BTRC: variants seen among roughly 807,000 people sequenced by gnomAD.
BTRC encodes the protein beta-transducin repeat containing E3 ubiquitin protein ligase, also known as F-box/WD repeat-containing protein 1A.
A neutral mutation model predicts 85.5 loss-of-function variants in BTRC; 42 were observed. That is an observed-to-expected ratio of 0.49 (90% CI 0.38 to 0.64). BTRC has a LOEUF of 0.64. Ranked by LOEUF, BTRC falls within the 30% of genes least tolerant of loss-of-function variation. BTRC has a pLI of 0.00. For missense variants in BTRC, 594 were observed against 743.5 expected, an observed-to-expected ratio of 0.80 and a Z score of 2.34; for synonymous variants, 255 against 263.3, an observed-to-expected ratio of 0.97 and a Z score of 0.30.
At chr10:101,423,330 A>G (rs988293847) in intron 1 of BTRC, among the ~76,000 whole-genome samples, 1 of 152,210 alleles carries the variant, frequency 6.6e-6, no homozygotes, top group African/African-American at 2.4e-5. Context: ...GCTAACTAAC[A>G]AAGCTTGTTA....
intron 6 of BTRC, among the ~76,000 whole-genome samples, chr10:101,530,451 A>G (rs1395088733): frequency 1.3e-5 from 2 of 152,096 alleles, no homozygotes; most frequent in Non-Finnish European, 2.9e-5. Context: ...TGCCAGAGGC[A>G]TTGCTGCTGT....
At chr10:101,463,403 C>T (rs1210291356) in intron 3 of BTRC, among the ~76,000 whole-genome samples, 1 of 151,896 alleles carries the variant, frequency 6.6e-6, no homozygotes, top group Non-Finnish European at 1.5e-5. Context: ...TGTTCTCAGA[C>T]CCCTGACCTC....
rs57980548 is a variant in BTRC at position 101,532,789 on chromosome 10, T to TGTGTGTGTGTGC, written c.979-162_979-161insTGTGTGTGTGCG. On this transcript the variant is annotated intron_variant, in intron 8 of 14. Transcript: ENST00000370187. ...GTGTGTGTGTGTGTGTGTGTGTGTG[T>TGTGTGTGTGTGC]GCGCGTGTGCGCGCGCGCGCGCTTA... 1.1e-3 allele frequency among the ~76,000 whole-genome samples: 85 copies of TGTGTGTGTGTGC among 78,234 alleles called. 1 individual carries two copies. The highest frequency in any genetic ancestry group is 4.8e-3 in the Middle Eastern group (1 of 208). The allele number at this position is 78,234 out of a possible 152,430, so 51.3% of individuals were successfully genotyped here. A position where few individuals can be genotyped will look rare whatever the true frequency, so the allele number is the denominator to read the frequency against.
At chr10:101,450,908 C>T (rs991210296) in intron 2 of BTRC, among the ~76,000 whole-genome samples, 2 of 152,154 alleles carry the variant, frequency 1.3e-5, no homozygotes, top group African/African-American at 4.8e-5. Context: ...AGGCAGATTT[C>T]TGTTTGTTAT....
At chr10:101,415,425 C>G (rs1049024618) in intron 1 of BTRC, among the ~76,000 whole-genome samples, 18 of 151,528 alleles carry the variant, frequency 1.2e-4, no homozygotes, top group African/African-American at 4.1e-4. Flanking sequence ...ATCTGCCCAC[C>G]TCAGCCTCCC....
rs190529748 is a variant in BTRC at position 101,355,309 on chromosome 10, T to G, written c.48+1081T>G. On this transcript the variant is annotated intron_variant, in intron 1 of 14. Coordinates refer to ENST00000370187, the MANE Select transcript of BTRC (RefSeq NM_033637.4). ...ATAAGTCAGGATTTGTGGTTACCCG[T>G]CAGTTTTAGGTTGAAGCACAGTGTG... 5.3e-5 allele frequency among the ~76,000 whole-genome samples: 8 copies of G among 152,318 alleles called. No homozygotes were observed. In the East Asian group the frequency reaches 1.5e-3, roughly 29 times the overall value.
chr10:101,454,313 T>C (rs1228285769), intron 2 of BTRC, among the ~76,000 whole-genome samples: 4 of 152,210 alleles, frequency 2.6e-5, no homozygotes, highest in South Asian at 4.1e-4. Flanking sequence ...TAAGTGCCTG[T>C]TGTGTGGATC....
At chr10:101,398,697 T>C (rs752319865) in intron 1 of BTRC, among the ~76,000 whole-genome samples, 4 of 152,202 alleles carry the variant, frequency 2.6e-5, no homozygotes, top group African/African-American at 4.8e-5. Flanking sequence ...CTTTGCCCTT[T>C]AGTGGAGGAT....
chr10:101,523,361 G>A (rs1386143020), intron 5 of BTRC, among the ~76,000 whole-genome samples: 2 of 152,108 alleles, frequency 1.3e-5, no homozygotes, highest in African/African-American at 4.8e-5. Context: ...GGAGGATGCT[G>A]TGGTTTTTCT....
intron 1 of BTRC, among the ~76,000 whole-genome samples, chr10:101,394,707 T>G (rs1348328381): frequency 6.6e-6 from 1 of 152,114 alleles, no homozygotes; most frequent in Non-Finnish European, 1.5e-5. Flanking sequence ...ATAACACTCT[T>G]GAGAAGAGTG....
chr10:101,423,562 A>G (rs1388712379), intron 1 of BTRC, among the ~76,000 whole-genome samples: 2 of 152,226 alleles, frequency 1.3e-5, no homozygotes, highest in Non-Finnish European at 2.9e-5. Flanking sequence ...AATAGAGTGT[A>G]AACTACTTGA....
chr10:101,378,520 ATTTTTTT>A (rs368968037), intron 1 of BTRC, among the ~76,000 whole-genome samples: 1 of 97,068 alleles, frequency 1.0e-5, no homozygotes, highest in Non-Finnish European at 2.3e-5. Flanking sequence ...CCCAATTATA[ATTTTTTT>A]TTTTTTTTTT....
At chr10:101,392,585 C>T (rs143609663) in intron 1 of BTRC, among the ~76,000 whole-genome samples, 142 of 152,152 alleles carry the variant, frequency 9.3e-4, no homozygotes, top group African/African-American at 3.2e-3. Context: ...CTGCAACCTC[C>T]GCCTCCCAGG....
At chr10:101,376,258 G>T (rs1942788558) in intron 1 of BTRC, among the ~76,000 whole-genome samples, 1 of 152,196 alleles carries the variant, frequency 6.6e-6, no homozygotes, top group South Asian at 2.1e-4. Context: ...CCAGGAGGCG[G>T]AGGTTTCAGT....
chr10:101,387,607 A>G (rs1264460936), intron 1 of BTRC, among the ~76,000 whole-genome samples: 3 of 135,806 alleles, frequency 2.2e-5, no homozygotes, highest in Non-Finnish European at 4.6e-5. Flanking sequence ...GCTCACTGCA[A>G]CCTCTGCCTC....
intron 3 of BTRC, among the ~76,000 whole-genome samples, chr10:101,472,668 A>G: frequency 6.6e-6 from 1 of 152,148 alleles, no homozygotes; most frequent in Non-Finnish European, 1.5e-5. Context: ...TACAAAAATT[A>G]TCTGGGCATG....
At position 101,547,914 on chromosome 10, in the gene BTRC, T is replaced by C. The variant is rs2062584164; in HGVS notation, c.1657-2785T>C. On this transcript the variant is annotated intron_variant, in intron 13 of 14. Coordinates refer to ENST00000370187, the MANE Select transcript of BTRC (RefSeq NM_033637.4). ...CTATAGAAGACAAATCACATGCTTA[T>C]ATCAATGGATGCAGTAAAAGCATTT... Among the ~76,000 whole-genome samples the C allele has an allele frequency of 1.3e-5, 2 of 152,184 alleles. 1 individual carries two copies. Among genetic ancestry groups the C allele is most frequent in the Admixed American group, 1.3e-4 (2 of 15,276 alleles).
At chr10:101,500,895 G>GT (rs1946383609) in intron 4 of BTRC, among the ~76,000 whole-genome samples, 2 of 152,112 alleles carry the variant, frequency 1.3e-5, no homozygotes, top group Non-Finnish European at 1.5e-5. Context: ...TGTGAAAAAT[G>GT]TTTTTTAAAA....
At chr10:101,490,799 C>T (rs181876805) in intron 4 of BTRC, among the ~76,000 whole-genome samples, 1 of 152,292 alleles carries the variant, frequency 6.6e-6, no homozygotes, top group East Asian at 1.9e-4. Context: ...TGCCTCACAC[C>T]TGTAATCCCA....
Sources: gnomAD v4.1 joint callset for allele counts (sites outside exome capture counted in the v4.1 genomes callset) on GRCh38, gnomAD v4.1.1 for gene constraint, MANE v1.5 for transcripts, NCBI Gene and HGNC (gene_info 2026-07-23, HGNC 2026-07-21) for gene names.